Variants in ANKRD36B observed in about 807,000 individuals in gnomAD.
ANKRD36B encodes ankyrin repeat domain 36B.
ANKRD36B carries 37 observed loss-of-function variants against 135.7 expected under a neutral mutation model. The ratio of observed to expected loss-of-function variants is 0.27; its 90% confidence interval spans 0.21 to 0.36. The LOEUF (loss-of-function observed/expected upper bound fraction) is 0.36, where lower values mean the gene tolerates loss of function less well. Among genes scored for constraint, ANKRD36B ranks in the 10% least tolerant of loss-of-function variants. The probability of loss-of-function intolerance (pLI) is 1.00; values close to 1 mark genes in which losing one functional copy is unlikely to be tolerated. For synonymous variants in ANKRD36B, 179 were observed against 348.1 expected (o/e 0.51, Z 5.41); for missense variants, 549 against 1,037.1 (o/e 0.53, Z 6.46).
rs137876201 is a variant in ANKRD36B, at chr2:97,587,774, G to C, written c.161+1751C>G. Among the ~76,000 whole-genome samples the C allele has an allele frequency of 6.6e-3, 1,009 of 152,264 alleles. 51 individuals carry two copies. The East Asian group carries it at 0.11, about 16-fold the overall frequency. On this transcript the variant is annotated intron_variant, in intron 1 of 43. Transcript: ENST00000359901. ...ATGTAAACTTTCAACAGCAGTATATGTACTGCTACCCTTTACCCTCACAAA... is the reference window on the plus strand; with the variant it reads ...ATGTAAACTTTCAACAGCAGTATATCTACTGCTACCCTTTACCCTCACAAA...
chr2:97,578,883 A>T (rs1277039393), intron 5 of ANKRD36B, 23 bp downstream of exon 5: 1 of 1,607,758 alleles, frequency 6.2e-7, no homozygotes, highest in South Asian at 1.1e-5. Flanking sequence ...AGTGTTCATT[A>T]GCCTTTTTAC....
chr2:97,566,743 C>T (rs1490924498), intron 6 of ANKRD36B, among the ~76,000 whole-genome samples: 1 of 152,050 alleles, frequency 6.6e-6, no homozygotes, highest in African/African-American at 2.4e-5. Flanking sequence ...CAGCAGTCCC[C>T]CTTATCTGCT....
chr2:97,555,426 C>T (rs1224317541), intron 12 of ANKRD36B, among the ~76,000 whole-genome samples, 172 bp from the exon 13 acceptor site: 6 of 151,698 alleles, frequency 4.0e-5, no homozygotes, highest in Admixed American at 1.3e-4. Context: ...AAAAGAAATA[C>T]AGGTTTCACA....
intron 1 of ANKRD36B, among the ~76,000 whole-genome samples, chr2:97,586,103 C>T (rs1195791183): frequency 6.6e-6 from 1 of 152,054 alleles, no homozygotes; most frequent in Non-Finnish European, 1.5e-5. Context: ...GTTCATAGAA[C>T]AGGCAGTTCT....
chr2:97,526,518 C>A (rs1355905272), intron 35 of ANKRD36B, among the ~76,000 whole-genome samples: 1 of 96,858 alleles, frequency 1.0e-5, no homozygotes, highest in Admixed American at 9.1e-5. Flanking sequence ...CAAAGGAACA[C>A]AGTTCCTCAC....
chr2:97,561,837 A>G (rs4069651), intron 6 of ANKRD36B, among the ~76,000 whole-genome samples: 1 of 151,964 alleles, frequency 6.6e-6, no homozygotes, highest in Non-Finnish European at 1.5e-5. Flanking sequence ...AATAACCAAT[A>G]TCAACAAAAC....
chr2:97,560,667 G>A lies in ANKRD36B; in HGVS notation c.863C>T (p.Thr288Ile). 1 of 1,603,078 alleles carries A rather than the reference G, an allele frequency of 6.2e-7. No homozygotes were observed. Among genetic ancestry groups the A allele is most frequent in the Non-Finnish European group, 8.5e-7 (1 of 1,178,280 alleles). The change falls in exon 8 of 44, where the codon ACA becomes ATA. Residue 288 changes from threonine to isoleucine, a missense_variant and splice_region_variant. By Grantham distance (89) the Thr-to-Ile change is moderately conservative. Coordinates refer to ENST00000359901, the MANE Select transcript of ANKRD36B (RefSeq NM_001393939.1). ...TTAGATGTGTTTTGCAAAATTACCT[G>A]TCCCAGATATAGGTCCCTCCTTTAT... The part of the protein sequence containing the change: ...TEIKEGPISG[T>I]VSSQKQPAEK...
In ANKRD36B at chr2:97,551,491, A is replaced by G; in HGVS notation, c.1274-11T>C. Reference sequence around the variant, plus strand: ...TTTTCTGAGAAGACACTGAAAAGCAAAAGGGATACATAATCACTCATATGT... The same window carrying G: ...TTTTCTGAGAAGACACTGAAAAGCAGAAGGGATACATAATCACTCATATGT... On this transcript the variant is annotated splice_polypyrimidine_tract_variant and intron_variant, in intron 16 of 43. Transcript: ENST00000359901. The G allele has an allele frequency of 6.2e-7, 1 of 1,607,718 alleles. No individual in the cohort carries two copies. The highest frequency in any genetic ancestry group is 8.5e-7 in the Non-Finnish European group (1 of 1,178,630).
intron 2 of ANKRD36B, 53 bp from the exon 3 acceptor site, chr2:97,585,170 A>T: frequency 4.3e-6 from 7 of 1,613,220 alleles, no homozygotes; most frequent in Non-Finnish European, 2.5e-6. Context: ...CAAAATAAAC[A>T]CTCCGTAGGA....
At position 97,547,471 on chromosome 2, in the gene ANKRD36B, T is replaced by C. The variant is rs117209353; in HGVS notation, c.1579+65A>G. On this transcript the variant is annotated intron_variant, in intron 22 of 43. Transcript: ENST00000359901. ...CTTCAACGAGCCCCCCGCAGATTTATTCAGGGAAGAGAATTTCTTATCTAC... is the reference window on the plus strand; with the variant it reads ...CTTCAACGAGCCCCCCGCAGATTTACTCAGGGAAGAGAATTTCTTATCTAC... The C allele has an allele frequency of 5.3e-3, 7,806 of 1,464,940 alleles. 357 individuals are homozygous for C. In the East Asian group the frequency reaches 0.12, roughly 22 times the overall value. The allele number at this position is 1,464,940 out of a possible 1,614,324, so 90.7% of individuals were successfully genotyped here.
chr2:97,550,540 A>C (rs1350788926), intron 18 of ANKRD36B, among the ~76,000 whole-genome samples: 1 of 151,850 alleles, frequency 6.6e-6, no homozygotes. Flanking sequence ...TAGCTCCTTG[A>C]ACAAGGAAGC....
rs192755622 is a variant in ANKRD36B, at chr2:97,538,562, T to A, written c.1988-199A>T. On this transcript the variant is annotated intron_variant, in intron 30 of 43. Transcript: ENST00000359901. ...AGGAATACACGCTTCCAGAAAATAT[T>A]CAGTCAGAAATTACAAAGAGGTATT... is the stretch of plus-strand genomic sequence containing the variant. Among the ~76,000 whole-genome samples, 347 of 96,340 alleles carry A rather than the reference T, an allele frequency of 3.6e-3. 92 individuals carry two copies. The highest frequency in any genetic ancestry group is 9.4e-3 in the African/African-American group (304 of 32,270). The allele number at this position is 96,340 out of a possible 152,430, so 63.2% of individuals were successfully genotyped here.
At chr2:97,547,460 C>T (rs2079578481) in intron 22 of ANKRD36B, 76 bp downstream of exon 22, 5 of 1,400,844 alleles carry the variant, frequency 3.6e-6, no homozygotes, top group South Asian at 1.3e-5. Flanking sequence ...AACGAGCCCC[C>T]CGCAGATTTA....
At chr2:97,550,716 A>G (rs1427185367) in intron 18 of ANKRD36B, among the ~76,000 whole-genome samples, 2 of 151,844 alleles carry the variant, frequency 1.3e-5, no homozygotes, top group African/African-American at 4.8e-5. Flanking sequence ...CCAAAATCAA[A>G]TATTGTTTAT....
chr2:97,586,404 T>TAA (rs34704943), intron 1 of ANKRD36B, among the ~76,000 whole-genome samples: 80,411 of 146,882 alleles, frequency 0.55, 23,345 homozygotes, highest in Non-Finnish European at 0.67. Context: ...TGCTTTTGTT[T>TAA]AAAAAAAAAA....
rs554993428 is a variant in ANKRD36B, at chr2:97,572,377, A to G, written c.763+4002T>C. On this transcript the variant is annotated intron_variant, in intron 6 of 43. Transcript: ENST00000359901. ...TCCAGCTAAGTAACAGATTACCAAT[A>G]TTTGAAGAAATATAATACCAGAAAA... 8.5e-5 allele frequency among the ~76,000 whole-genome samples: 12 copies of G among 141,664 alleles called. No homozygotes were observed. The East Asian group carries it at 1.8e-3, about 21-fold the overall frequency. 92.9% of individuals were successfully genotyped at this position (141,664 alleles called of 152,430 possible).
At chr2:97,555,525 C>T (rs1367071151) in intron 12 of ANKRD36B, among the ~76,000 whole-genome samples, 1 of 151,752 alleles carries the variant, frequency 6.6e-6, no homozygotes, top group African/African-American at 2.4e-5. Context: ...GTGAATATGC[C>T]GAATGATGAG....
At chr2:97,548,134 T>G (rs1419151035) in intron 20 of ANKRD36B, among the ~76,000 whole-genome samples, 1 of 151,826 alleles carries the variant, frequency 6.6e-6, no homozygotes. Context: ...ATTTACACCA[T>G]TATACTACAA....
chr2:97,550,935 C>T (rs1278157424), intron 18 of ANKRD36B, among the ~76,000 whole-genome samples: 1 of 151,870 alleles, frequency 6.6e-6, no homozygotes, highest in Non-Finnish European at 1.5e-5. Flanking sequence ...GTTTTTAGCA[C>T]TACGATGTGA....
Sources: gnomAD v4.1 joint callset for allele counts (sites outside exome capture counted in the v4.1 genomes callset) on GRCh38, gnomAD v4.1.1 for gene constraint, MANE v1.5 for transcripts, NCBI Gene and HGNC (gene_info 2026-07-23, HGNC 2026-07-21) for gene names.